The following ITGA3 variants were observed in gnomAD, a reference collection of about 807,000 sequenced individuals.
ITGA3 encodes integrin subunit alpha 3, also known as integrin alpha-3.
In ITGA3, 70 loss-of-function variants were observed where a neutral mutation model predicts 131.1. That is an observed-to-expected ratio of 0.53 (90% confidence interval 0.44 to 0.65). The LOEUF (loss-of-function observed/expected upper bound fraction) is 0.65, where lower values mean the gene tolerates loss of function less well. Among genes scored for constraint, ITGA3 ranks in the 30% least tolerant of loss-of-function variants. The probability of loss-of-function intolerance (pLI) is 0.00; values close to 1 mark genes in which losing one functional copy is unlikely to be tolerated. For synonymous variants in ITGA3, 537 were observed against 571.6 expected (o/e 0.94, Z 0.86); for missense variants, 1,098 against 1,388.6 (o/e 0.79, Z 3.33).
In ITGA3 at chr17:50,064,276, TG is replaced by T. The variant is rs1908226679; in HGVS notation, c.334+74del. 1 of 1,533,818 alleles carries T rather than the reference TG, an allele frequency of 6.5e-7. No individual in the cohort carries two copies. Reference sequence around the variant, plus strand: ...GGGGGGTACCGCAGAGAGAATGGCCTGGAGGAGATAGAAGGCTTGTTCACAC... The same window carrying T: ...GGGGGGTACCGCAGAGAGAATGGCCTGAGGAGATAGAAGGCTTGTTCACAC... On this transcript the variant is annotated intron_variant, in intron 2 of 25. Coordinates refer to ENST00000320031, the MANE Select transcript of ITGA3 (RefSeq NM_002204.4). The surrounding 1 kb of genome is among the most constrained non-coding windows in gnomAD (Gnocchi z 4.4).
chr17:50,064,553 G>T lies in ITGA3; in HGVS notation c.360G>T (p.Glu120Asp). 1 of 1,613,166 alleles carries T rather than the reference G, an allele frequency of 6.2e-7. No individual in the cohort carries two copies. Among genetic ancestry groups the T allele is most frequent in the South Asian group, 1.1e-5 (1 of 90,576 alleles). Residue 120 changes from glutamate (E) to aspartate (D), a missense_variant, in exon 3 of 26, where the codon GAG becomes GAT. Glu to Asp is a conservative substitution (Grantham distance 45, BLOSUM62 2). Around this residue, in one of 3 missense-constraint regions of ITGA3, gnomAD observed 356 missense variants for 529.2 expected, o/e 0.67. Coordinates refer to ENST00000320031, the MANE Select transcript of ITGA3 (RefSeq NM_002204.4). This position sits in a 1 kb window ranked among gnomAD's most constrained non-coding sequence, Gnocchi z 4.4. ...ATGACCCTGGCCATCACATTATTGA[G>T]GACATGTGGCTTGGAGTGACTGTGG... ...VKNDPGHHII[E>D]DMWLGVTVAS...
At position 50,056,467 on chromosome 17, in the gene ITGA3, C is replaced by A. The variant is rs967488958; in HGVS notation, c.28C>A (p.Arg10Ser). Residue 10 changes from arginine to serine, a missense_variant, in exon 1 of 26, where the codon CGC becomes AGC. By Grantham distance (110) the Arg-to-Ser change is moderately radical. Around this residue, in one of 3 missense-constraint regions of ITGA3, gnomAD observed 43 missense variants for 30.3 expected, o/e 1.42. Coordinates refer to ENST00000320031, the MANE Select transcript of ITGA3 (RefSeq NM_002204.4). The surrounding 1 kb of genome is among the most constrained non-coding windows in gnomAD (Gnocchi z 5.6). ...GGGCCCCGGCCCCAGCCGCGCGCCC[C>A]GCGCCCCACGCCTGATGCTCTGTGC... The part of the protein sequence containing the change: MGPGPSRAP[R>S]APRLMLCALA... The A allele has an allele frequency of 5.9e-6, 9 of 1,538,088 alleles. No homozygotes were observed. The East Asian group carries it at 2.3e-4, about 39-fold the overall frequency.
chr17:50,075,753 G>C lies in ITGA3; in HGVS notation c.1674+18G>C. 1.2e-6 allele frequency: 2 copies of C among 1,613,522 alleles called. No individual in the cohort carries two copies. Among genetic ancestry groups the C allele is most frequent in the Non-Finnish European group, 1.7e-6 (2 of 1,179,598 alleles). On this transcript the variant is annotated intron_variant, in intron 12 of 25. Transcript: ENST00000320031. Reference sequence around the variant, plus strand: ...TCCTGATGGTGAGGGAGGAGCAAGGGTCAGGATGAGGGCTCCCAGGTCCCT... The same window carrying C: ...TCCTGATGGTGAGGGAGGAGCAAGGCTCAGGATGAGGGCTCCCAGGTCCCT...
chr17:50,068,145 C>G lies in ITGA3; in HGVS notation c.504C>G (p.Asp168Glu). Residue 168 changes from aspartate to glutamate, a missense_variant, in exon 4 of 26, where the codon GAC becomes GAG. This residue lies in a region of ITGA3 where 356 missense variants were observed against 529.2 expected (regional missense o/e 0.67). Coordinates refer to ENST00000320031, the MANE Select transcript of ITGA3 (RefSeq NM_002204.4). Reference sequence around the variant, plus strand: ...GCAAGTGCTACGTGCGAGGCAATGACCTAGAGCTGGACTCCAGTGATGACT... The same window carrying G: ...GCAAGTGCTACGTGCGAGGCAATGAGCTAGAGCTGGACTCCAGTGATGACT... ...MVGKCYVRGN[D>E]LELDSSDDWQ... The G allele has an allele frequency of 1.9e-6, 3 of 1,614,182 alleles. No individual in the cohort carries two copies. The highest frequency in any genetic ancestry group is 2.5e-6 in the Non-Finnish European group (3 of 1,180,046).
intron 5 of ITGA3, 150 bp from the exon 6 acceptor site, chr17:50,071,160 TG>T: frequency 1.3e-6 from 1 of 754,350 alleles, no homozygotes; most frequent in Non-Finnish European, 2.2e-6. Context: ...CCATGGCTGC[TG>T]GCCATCTGGA....
At chr17:50,073,309 A>G (rs1908711018) in intron 7 of ITGA3, among the ~76,000 whole-genome samples, 1 of 152,230 alleles carries the variant, frequency 6.6e-6, no homozygotes. Context: ...CCCTGCTGTG[A>G]GACAGCCCTG....
chr17:50,080,814 G>A (rs959361535), intron 22 of ITGA3, among the ~76,000 whole-genome samples: 15 of 152,038 alleles, frequency 9.9e-5, no homozygotes, highest in Admixed American at 3.3e-4. Context: ...CATTTATCAC[G>A]CTCGACTCTG....
chr17:50,075,425 C>G (rs749527341), intron 10 of ITGA3, 34 bp from the exon 11 acceptor site: 2 of 1,611,224 alleles, frequency 1.2e-6, no homozygotes, highest in Non-Finnish European at 1.7e-6. Context: ...GTGTGTCCCA[C>G]TGTGACCCGC....
At position 50,064,304 on chromosome 17, in the gene ITGA3, G is replaced by C; in HGVS notation, c.334+100G>C. ...AGGAGATAGAAGGCTTGTTCACACG[G>C]CTTCTAGTCGCTTCTTGTCCAGCTG... On this transcript the variant is annotated intron_variant, in intron 2 of 25. Transcript: ENST00000320031. This position sits in a 1 kb window ranked among gnomAD's most constrained non-coding sequence, Gnocchi z 4.4. The C allele has an allele frequency of 1.4e-6, 2 of 1,415,990 alleles. No homozygotes were observed. Among genetic ancestry groups the C allele is most frequent in the Non-Finnish European group, 1.9e-6 (2 of 1,041,840 alleles). 87.7% of individuals were successfully genotyped at this position (1,415,990 alleles called of 1,614,324 possible).
chr17:50,056,490 T>A lies in ITGA3; in HGVS notation c.51T>A (p.Cys17Ter). 1 of 1,549,622 alleles carries A rather than the reference T, an allele frequency of 6.5e-7. No individual in the cohort carries two copies. The highest frequency in any genetic ancestry group is 8.7e-7 in the Non-Finnish European group (1 of 1,146,828). Residue 17 changes from cysteine (C) to a stop codon, truncating the protein, a stop_gained, in exon 1 of 26, where the codon TGT becomes TGA. Coordinates refer to ENST00000320031, the MANE Select transcript of ITGA3 (RefSeq NM_002204.4). LOFTEE classifies it high-confidence loss of function. The surrounding 1 kb of genome is among the most constrained non-coding windows in gnomAD (Gnocchi z 5.6). ...CCCGCGCCCCACGCCTGATGCTCTG[T>A]GCGCTCGCCTTGATGGTGGCGGCCG... ...RAPRAPRLML[C>*]ALALMVAAGG...
chr17:50,059,792 G>A (rs972734812), intron 1 of ITGA3, among the ~76,000 whole-genome samples: 3 of 152,202 alleles, frequency 2.0e-5, no homozygotes, highest in African/African-American at 4.8e-5. Context: ...GAATGCCCTC[G>A]GGGGTCAAAT....
chr17:50,074,077 C>T, intron 8 of ITGA3, 67 bp from the exon 9 acceptor site: 2 of 1,553,074 alleles, frequency 1.3e-6, no homozygotes, highest in Non-Finnish European at 1.8e-6. Context: ...CTTCACCCAA[C>T]CCTTCCCTGT....
intron 9 of ITGA3, 46 bp from the exon 10 acceptor site, chr17:50,074,402 G>A: frequency 6.2e-7 from 1 of 1,600,658 alleles, no homozygotes; most frequent in Non-Finnish European, 8.6e-7. Context: ...CTGGCCTGGG[G>A]CAGGCAGGAG....
At chr17:50,058,083 A>G (rs537924180) in intron 1 of ITGA3, among the ~76,000 whole-genome samples, 5 of 152,388 alleles carry the variant, frequency 3.3e-5, no homozygotes, top group African/African-American at 1.2e-4. Context: ...TGCATGATAT[A>G]AGATAACATA....
Position 50,077,017 on chromosome 17 carries a change from A to T in ITGA3, c.1966A>T (p.Asn656Tyr). The T allele has an allele frequency of 6.2e-6, 10 of 1,611,594 alleles. No homozygotes were observed. The highest frequency in any genetic ancestry group is 8.5e-6 in the Non-Finnish European group (10 of 1,178,776). Residue 656 changes from asparagine to tyrosine, a missense_variant, in exon 15 of 26, where the codon AAC becomes TAC. Coordinates refer to ENST00000320031, the MANE Select transcript of ITGA3 (RefSeq NM_002204.4). ...RDVRKLLLSI[N>Y]VTNTRTSERS... ...CGTCCGGAAATTGCTCCTGAGCATC[A>T]ACGTGACGAACACCCGGACCTCGGA... is the stretch of plus-strand genomic sequence containing the variant.
chr17:50,076,211 A>T, intron 12 of ITGA3, 115 bp from the exon 13 acceptor site: 1 of 1,125,326 alleles, frequency 8.9e-7, no homozygotes, highest in Non-Finnish European at 1.2e-6. Flanking sequence ...CCTAACTGTC[A>T]GGTTTTCAGG....
intron 24 of ITGA3, 97 bp downstream of exon 24, chr17:50,087,966 A>G: frequency 2.1e-6 from 3 of 1,427,378 alleles, no homozygotes; most frequent in Non-Finnish European, 2.8e-6. Context: ...CCTCCCTTCC[A>G]TCTCACCCCC....
chr17:50,082,041 C>T (rs1909207679), intron 23 of ITGA3, among the ~76,000 whole-genome samples: 2 of 152,176 alleles, frequency 1.3e-5, no homozygotes, highest in Non-Finnish European at 2.9e-5. Flanking sequence ...TGGTGTCACT[C>T]TGTTGCCCCA....
Position 50,078,865 on chromosome 17 carries a change from T to C in ITGA3, c.2339T>C (p.Met780Thr), listed in dbSNP as rs769076789. ...RLQSFFGGTVMGESGMKTVED... is the reference protein window; with the variant it reads ...RLQSFFGGTVTGESGMKTVED... ...CAAAGCTTCTTTGGGGGGACAGTGA[T>C]GGGTGAGTCTGGCATGAAAACTGTG... Residue 780 changes from methionine (M) to threonine (T), a missense_variant, in exon 19 of 26, where the codon ATG becomes ACG. Transcript: ENST00000320031. 1.9e-6 allele frequency: 3 copies of C among 1,613,424 alleles called. No individual in the cohort carries two copies. The South Asian group carries it at 3.3e-5, about 18-fold the overall frequency.
Sources: gnomAD v4.1 joint callset for allele counts (sites outside exome capture counted in the v4.1 genomes callset) on GRCh38, gnomAD v4.1.1 for gene constraint, gnomAD v4.1.1 regional missense constraint, Gnocchi (gnomAD v3.1) non-coding constraint, MANE v1.5 for transcripts, NCBI Gene and HGNC (gene_info 2026-07-23, HGNC 2026-07-21) for gene names.